The following RIMS1 variants were observed in gnomAD, a reference collection of about 807,000 sequenced individuals.
The protein encoded by RIMS1 is regulating synaptic membrane exocytosis protein 1.
A neutral mutation model predicts 214.1 loss-of-function variants in RIMS1; 83 were observed. The ratio of observed to expected loss-of-function variants is 0.39; its 90% CI spans 0.32 to 0.47. The LOEUF (loss-of-function observed/expected upper bound fraction) is 0.47. RIMS1 is among the 20% of genes least tolerant of loss of function. RIMS1 has a pLI of 0.99. For synonymous variants in RIMS1, 793 were observed against 786.8 expected, an observed-to-expected ratio of 1.01 and a Z score of -0.13; for missense variants, 2,050 against 2,161.8, an observed-to-expected ratio of 0.95 and a Z score of 1.03.
chr6:72,179,972 C>A, intron 5 of RIMS1, 57 bp downstream of exon 5: 2 of 1,174,354 alleles, frequency 1.7e-6, no homozygotes, highest in Non-Finnish European at 2.3e-6. Context: ...AGAGCAAAGC[C>A]GTTTTCAAGA....
chr6:72,039,456 C>T (rs1319602132), intron 2 of RIMS1, among the ~76,000 whole-genome samples: 3 of 152,022 alleles, frequency 2.0e-5, no homozygotes, highest in Non-Finnish European at 4.4e-5. Context: ...AGTGTGTTGA[C>T]ATTTTAGTGG....
rs914229112 is a variant in RIMS1, at chr6:72,333,591, T to G, written c.4131-9T>G. ...TGGATGCATATATGTTTTTACTTTG[T>G]AAATATAGTTCATTTACCCCCAAAA... On this transcript the variant is annotated splice_polypyrimidine_tract_variant and intron_variant, in intron 28 of 33. Coordinates refer to ENST00000521978, the MANE Select transcript of RIMS1 (RefSeq NM_014989.7). 2 of 1,562,360 alleles carry G rather than the reference T, an allele frequency of 1.3e-6. No individual in the cohort carries two copies. The highest frequency in any genetic ancestry group is 2.7e-5 in the African/African-American group (2 of 73,478).
At chr6:72,098,441 G>A (rs2032547916) in intron 3 of RIMS1, among the ~76,000 whole-genome samples, 2 of 151,616 alleles carry the variant, frequency 1.3e-5, no homozygotes, top group South Asian at 4.2e-4. Context: ...ATTACAGGTG[G>A]CTGCCACCAT....
rs1214132292 is a variant in RIMS1 at position 72,159,523 on chromosome 6, G to C, written c.472-20052G>C. On this transcript the variant is annotated intron_variant, in intron 4 of 33. Coordinates refer to ENST00000521978, the MANE Select transcript of RIMS1 (RefSeq NM_014989.7). ...TCTTGTAGGGTTTTTATGGTTCTAG[G>C]TCTAACATTTAAATCTTTAATCCAT... Among the ~76,000 whole-genome samples, 5 of 140,914 alleles carry C rather than the reference G, an allele frequency of 3.5e-5. 2 individuals are homozygous for C. Among genetic ancestry groups the C allele is most frequent in the Non-Finnish European group, 6.4e-5 (4 of 62,020 alleles). The allele number at this position is 140,914 out of a possible 152,430, so 92.4% of individuals were successfully genotyped here.
At chr6:72,243,229 G>T (rs1413677466) in intron 10 of RIMS1, among the ~76,000 whole-genome samples, 1 of 151,570 alleles carries the variant, frequency 6.6e-6, no homozygotes. Context: ...TTATTTCAAG[G>T]CTTTTTATGT....
At position 72,117,220 on chromosome 6, in the gene RIMS1, T is replaced by A. The variant is rs577691006; in HGVS notation, c.471+17234T>A. 1.5e-4 allele frequency among the ~76,000 whole-genome samples: 23 copies of A among 152,090 alleles called. No individual in the cohort carries two copies. The South Asian group carries it at 4.8e-3, about 32-fold the overall frequency. On this transcript the variant is annotated intron_variant, in intron 4 of 33. Coordinates refer to ENST00000521978, the MANE Select transcript of RIMS1 (RefSeq NM_014989.7). ...AAAAATCTGCATTTCTTTCTCTTAG[T>A]TCCTGGGCCATAGAAAATGGATGGC...
intron 6 of RIMS1, among the ~76,000 whole-genome samples, chr6:72,198,736 A>G (rs1382650630): frequency 6.6e-6 from 1 of 151,948 alleles, no homozygotes; most frequent in East Asian, 1.9e-4. Flanking sequence ...GTCATTACAT[A>G]TGCTATGGGT....
Position 72,240,240 on chromosome 6 carries a change from T to C in RIMS1, c.1958-2074T>C, listed in dbSNP as rs571994396. ...AATTATTAATCTGTAAATAAACGTA[T>C]GTATTAACTTAATTTGATATTAAAA... On this transcript the variant is annotated intron_variant, in intron 9 of 33. Coordinates refer to ENST00000521978, the MANE Select transcript of RIMS1 (RefSeq NM_014989.7). Among the ~76,000 whole-genome samples, 168 of 152,286 alleles carry C rather than the reference T, an allele frequency of 1.1e-3. 2 individuals are homozygous for C. The highest frequency in any genetic ancestry group is 2.1e-3 in the Non-Finnish European group (143 of 68,024).
chr6:72,295,898 C>T, intron 26 of RIMS1: 1 of 422,328 alleles, frequency 2.4e-6, no homozygotes, highest in Non-Finnish European at 3.2e-6. Context: ...TGATTTCTTT[C>T]TTTTGTTTCC....
chr6:72,275,772 T>G (rs868460149), intron 23 of RIMS1, among the ~76,000 whole-genome samples: 1 of 152,142 alleles, frequency 6.6e-6, no homozygotes, highest in Admixed American at 6.5e-5. Context: ...CAATAAAAAT[T>G]TATATCTATA....
chr6:72,196,692 A>G (rs760014387), intron 6 of RIMS1, among the ~76,000 whole-genome samples: 6 of 148,928 alleles, frequency 4.0e-5, no homozygotes, highest in Non-Finnish European at 5.9e-5. Flanking sequence ...TGAGACTCCC[A>G]TAAAATACTC....
intron 29 of RIMS1, among the ~76,000 whole-genome samples, chr6:72,360,219 T>A (rs199678291): frequency 6.6e-6 from 1 of 152,228 alleles, no homozygotes; most frequent in East Asian, 1.9e-4. Context: ...AGAAGTAGCA[T>A]CTAGCTTTTG....
chr6:72,186,402 T>C (rs1201018940), intron 6 of RIMS1, among the ~76,000 whole-genome samples: 1 of 152,248 alleles, frequency 6.6e-6, no homozygotes, highest in Admixed American at 6.5e-5. Flanking sequence ...AAACTCCTCT[T>C]CTTCTGAAGA....
chr6:72,181,139 C>T (rs906828677), intron 5 of RIMS1, among the ~76,000 whole-genome samples: 3 of 152,084 alleles, frequency 2.0e-5, no homozygotes, highest in Admixed American at 1.3e-4. Context: ...AAGACAGACA[C>T]CTAGGTAATT....
At chr6:72,274,522 A>G in intron 23 of RIMS1, 90 bp downstream of exon 23, 1 of 971,428 alleles carries the variant, frequency 1.0e-6, no homozygotes, top group South Asian at 1.4e-5. Flanking sequence ...GTTGAATATG[A>G]TGTACTTTAT....
intron 29 of RIMS1, among the ~76,000 whole-genome samples, chr6:72,336,175 C>A (rs2096837086): frequency 6.6e-6 from 1 of 151,750 alleles, no homozygotes; most frequent in South Asian, 2.1e-4. Flanking sequence ...ACTTTCCAGT[C>A]TGTCTTTTTC....
intron 29 of RIMS1, among the ~76,000 whole-genome samples, chr6:72,380,252 T>C (rs2098463556): frequency 6.6e-6 from 1 of 151,394 alleles, no homozygotes; most frequent in African/African-American, 2.4e-5. Flanking sequence ...TGTCGTGGGG[T>C]GGAAGGATGG....
At chr6:72,019,538 A>C (rs1415352933) in intron 2 of RIMS1, among the ~76,000 whole-genome samples, 1 of 152,194 alleles carries the variant, frequency 6.6e-6, no homozygotes, top group Non-Finnish European at 1.5e-5. Flanking sequence ...ATTTGAGGGA[A>C]TTTGTGATAG....
intron 2 of RIMS1, among the ~76,000 whole-genome samples, chr6:72,031,938 A>G (rs915852163): frequency 1.3e-5 from 2 of 152,208 alleles, no homozygotes; most frequent in South Asian, 4.1e-4. Context: ...TAAAATAATT[A>G]GAATGCATAA....
Sources: allele counts gnomAD v4.1 joint callset (sites outside exome capture counted in the v4.1 genomes callset), GRCh38; gene constraint gnomAD v4.1.1; transcripts MANE v1.5; gene names NCBI Gene and HGNC (gene_info 2026-07-23, HGNC 2026-07-21).